Variants in SLIT1 observed in about 807,000 individuals in gnomAD.
The protein encoded by SLIT1 is slit guidance ligand 1.
SLIT1 carries 66 observed loss-of-function variants against 186.1 expected under a neutral mutation model. The ratio of observed to expected loss-of-function variants is 0.35; its 90% CI spans 0.29 to 0.44. The LOEUF (loss-of-function observed/expected upper bound fraction) is 0.44. SLIT1 is among the 20% of genes least tolerant of loss of function. The pLI is 1.00. For synonymous variants in SLIT1, 761 were observed against 833.8 expected (o/e 0.91, Z 1.50); for missense variants, 1,638 against 2,037.4 (o/e 0.80, Z 3.77).
intron 3 of SLIT1, among the ~76,000 whole-genome samples, chr10:97,161,070 G>A (rs538710543): frequency 6.6e-5 from 10 of 152,172 alleles, no homozygotes; most frequent in East Asian, 3.9e-4. Context: ...CACCTTTTAC[G>A]ATCAACTGAT....
At chr10:97,174,558 G>T (rs1445918858) in intron 1 of SLIT1, among the ~76,000 whole-genome samples, 1 of 152,242 alleles carries the variant, frequency 6.6e-6, no homozygotes, top group Non-Finnish European at 1.5e-5. Flanking sequence ...GGAGGAGGCA[G>T]GGACCCCATG....
At chr10:97,079,056 C>T (rs1260011641) in intron 4 of SLIT1, among the ~76,000 whole-genome samples, 3 of 152,194 alleles carry the variant, frequency 2.0e-5, no homozygotes, top group South Asian at 2.1e-4. Context: ...AAACCCTGGG[C>T]TTGACTCCAA....
chr10:97,001,013 G>T lies in SLIT1; in HGVS notation c.*99C>A. 1.0e-6 allele frequency: 1 copy of T among 973,326 alleles called. No homozygotes were observed. Among genetic ancestry groups the T allele is most frequent in the Non-Finnish European group, 1.6e-6 (1 of 637,132 alleles). The allele number at this position is 973,326 out of a possible 1,614,324, so 60.3% of individuals were successfully genotyped here. ...GGCCCAGCTGCCCAGGAGCCGTCCT[G>T]TGATGACCTGCACCCCAGCCCAGCT... On this transcript the variant is annotated 3_prime_UTR_variant, in exon 37 of 37. Transcript: ENST00000266058.
intron 4 of SLIT1, among the ~76,000 whole-genome samples, chr10:97,111,750 G>A (rs1013604294): frequency 3.3e-5 from 5 of 152,146 alleles, no homozygotes; most frequent in African/African-American, 7.2e-5. Context: ...ACCTGGGAGC[G>A]TTCACTCGTT....
intron 4 of SLIT1, 136 bp from the exon 5 acceptor site, chr10:97,066,222 G>A: frequency 1.4e-6 from 1 of 690,408 alleles, no homozygotes; most frequent in South Asian, 1.6e-5. Context: ...CCAGCACCTA[G>A]GACAGTGCCT....
intron 31 of SLIT1, among the ~76,000 whole-genome samples, chr10:97,007,123 AGG>A (rs1848366115): frequency 6.6e-6 from 1 of 152,248 alleles, no homozygotes; most frequent in African/African-American, 2.4e-5. Context: ...AAATAAAAGA[AGG>A]GACATTACTA....
At chr10:97,176,060 G>T (rs375701481) in intron 1 of SLIT1, among the ~76,000 whole-genome samples, 1 of 152,010 alleles carries the variant, frequency 6.6e-6, no homozygotes, top group African/African-American at 2.4e-5. Context: ...GCCTCATTAA[G>T]ACTATAGAGC....
chr10:97,018,690 G>A lies in SLIT1; in HGVS notation c.2872-7C>T, dbSNP rs757562918. ...ACACCTCACAGTCTCGACCCTGGGG[G>A]GAAAGTCAGTGATGGGGACCCCAGG... On this transcript the variant is annotated splice_region_variant and splice_polypyrimidine_tract_variant and intron_variant, in intron 27 of 36. Transcript: ENST00000266058. 2 of 1,565,756 alleles carry A rather than the reference G, an allele frequency of 1.3e-6. No individual in the cohort carries two copies. Among genetic ancestry groups the A allele is most frequent in the East Asian group, 2.4e-5 (1 of 42,434 alleles).
At chr10:97,077,620 T>C (rs191194192) in intron 4 of SLIT1, among the ~76,000 whole-genome samples, 99 of 152,262 alleles carry the variant, frequency 6.5e-4, no homozygotes, top group African/African-American at 2.3e-3. Flanking sequence ...ACACGGTGGG[T>C]GACAATCAGT....
chr10:97,042,818 C>T (rs1295128876), intron 20 of SLIT1, 83 bp downstream of exon 20: 44 of 1,450,892 alleles, frequency 3.0e-5, no homozygotes, highest in Middle Eastern at 3.8e-4. Flanking sequence ...GCTGCCTGTC[C>T]ACTCCCATCT....
intron 13 of SLIT1, among the ~76,000 whole-genome samples, chr10:97,050,153 A>AG (rs1357136880): frequency 6.6e-6 from 1 of 152,198 alleles, no homozygotes; most frequent in Non-Finnish European, 1.5e-5. Context: ...TGTCTCGAAA[A>AG]GGAAAAAAAA....
chr10:97,143,269 G>A (rs1254434960), intron 4 of SLIT1, among the ~76,000 whole-genome samples: 1 of 152,072 alleles, frequency 6.6e-6, no homozygotes, highest in East Asian at 1.9e-4. Context: ...CAAAATGTGG[G>A]GTATACATAT....
Position 97,034,477 on chromosome 10 carries a change from G to A in SLIT1, c.2432C>T (p.Thr811Ile). The A allele has an allele frequency of 6.2e-7, 1 of 1,613,208 alleles. No homozygotes were observed. ...CAGCCCTGCTGGGACTCACAGAGTG[G>A]TCAGCTGGCTCATGTTGGTGAAGGA... Reference protein sequence around the residue: ...NSSFTNMSQLTTLILSYNALQ... With the variant: ...NSSFTNMSQLITLILSYNALQ... The change falls in exon 23 of 37, where the codon ACC (threonine) becomes ATC (isoleucine). Residue 811 changes from threonine to isoleucine, a missense_variant. By Grantham distance (89) the Thr-to-Ile change is moderately conservative. Around this residue, in one of 3 missense-constraint regions of SLIT1, gnomAD observed 1,245 missense variants for 1,535.3 expected, o/e 0.81. Transcript: ENST00000266058.
Position 97,010,937 on chromosome 10 carries a change from G to A in SLIT1, c.3341+56C>T, listed in dbSNP as rs938246161. 9 of 1,571,844 alleles carry A rather than the reference G, an allele frequency of 5.7e-6. No homozygotes were observed. Among genetic ancestry groups the A allele is most frequent in the Non-Finnish European group, 7.8e-6 (9 of 1,152,560 alleles). Reference sequence around the variant, plus strand: ...TCGCCATGGCTGGAGGCTCCTGCCAGCCCAGGGGCTGACAGCCACAAGGAG... The same window carrying A: ...TCGCCATGGCTGGAGGCTCCTGCCAACCCAGGGGCTGACAGCCACAAGGAG... On this transcript the variant is annotated intron_variant, in intron 31 of 36. Coordinates refer to ENST00000266058, the MANE Select transcript of SLIT1 (RefSeq NM_003061.3). This position sits in a 1 kb window ranked among gnomAD's most constrained non-coding sequence, Gnocchi z 4.8.
intron 4 of SLIT1, among the ~76,000 whole-genome samples, chr10:97,149,474 G>A (rs1849852783): frequency 6.6e-6 from 1 of 152,150 alleles, no homozygotes; most frequent in African/African-American, 2.4e-5. Context: ...GGGCGGGGCA[G>A]AAGCAAAGAG....
chr10:97,108,799 A>T (rs1849437616), intron 4 of SLIT1, among the ~76,000 whole-genome samples: 1 of 150,998 alleles, frequency 6.6e-6, no homozygotes, highest in South Asian at 2.1e-4. Flanking sequence ...GAGGCAGAAG[A>T]ATCGCTTGAA....
In SLIT1 at chr10:97,043,372, T is replaced by C. The variant is rs747274446; in HGVS notation, c.1995A>G (p.Thr665=). The stretch of plus-strand genomic sequence containing the variant: ...CCTGTCCTGGAGGCCGGACTCACAG[T>C]GTGGAGAGGGACTGGAGGGTGTCGA... ...GAFDTLQSLS[T]LNLLANPFNC... is the part of the protein sequence containing the mutation. Residue 665 remains threonine, a splice_region_variant and synonymous_variant, in exon 19 of 37, where the codon ACA becomes ACG. Transcript: ENST00000266058. The surrounding 1 kb of genome is among the most constrained non-coding windows in gnomAD (Gnocchi z 7.0). 4 of 1,613,172 alleles carry C rather than the reference T, an allele frequency of 2.5e-6. No homozygotes were observed. Among genetic ancestry groups the C allele is most frequent in the Non-Finnish European group, 3.4e-6 (4 of 1,179,896 alleles).
chr10:97,165,705 G>T (rs1043267188), intron 1 of SLIT1, among the ~76,000 whole-genome samples: 18 of 152,134 alleles, frequency 1.2e-4, no homozygotes, highest in Non-Finnish European at 2.6e-4. Flanking sequence ...TCAGGAGGAT[G>T]GGGGGCCTGA....
At chr10:97,078,198 T>G (rs1272030459) in intron 4 of SLIT1, among the ~76,000 whole-genome samples, 3 of 152,164 alleles carry the variant, frequency 2.0e-5, no homozygotes, top group Non-Finnish European at 2.9e-5. Flanking sequence ...GCAGGTGGTT[T>G]GGGGGCCTGA....
Sources: allele counts gnomAD v4.1 joint callset (sites outside exome capture counted in the v4.1 genomes callset), GRCh38; gene constraint gnomAD v4.1.1; regional missense constraint gnomAD v4.1.1; non-coding constraint Gnocchi (gnomAD v3.1); transcripts MANE v1.5; gene names NCBI Gene and HGNC (gene_info 2026-07-23, HGNC 2026-07-21).